RIF1: variants seen among roughly 807,000 people sequenced by gnomAD.
The protein encoded by RIF1 is replication timing regulatory factor 1.
RIF1 carries 45 observed loss-of-function variants against 247.1 expected under a neutral mutation model. The observed-to-expected ratio is 0.18, with a 90% CI of 0.14 to 0.23. The LOEUF is 0.23. RIF1 is among the 10% of genes least tolerant of loss of function. The pLI, the probability that RIF1 is intolerant of heterozygous loss-of-function variation, is 1.00. For missense variants in RIF1, 2,967 were observed against 2,862.5 expected, an observed-to-expected ratio of 1.04 and a Z score of -0.83; for synonymous variants, 1,087 against 978.8, an observed-to-expected ratio of 1.11 and a Z score of -2.06.
At chr2:151,453,356 C>A (rs1336246953) in intron 21 of RIF1, among the ~76,000 whole-genome samples, 2 of 152,052 alleles carry the variant, frequency 1.3e-5, no homozygotes, top group Non-Finnish European at 2.9e-5. Flanking sequence ...GTGGGTGGAT[C>A]ACCTGAGGTC....
In RIF1 at chr2:151,451,573, G is replaced by A. The variant is rs771507798; in HGVS notation, c.2245-33G>A. The A allele has an allele frequency of 2.9e-6, 3 of 1,019,656 alleles. No individual in the cohort carries two copies. The South Asian group carries it at 3.8e-5, about 13-fold the overall frequency. 63.2% of individuals were successfully genotyped at this position (1,019,656 alleles called of 1,614,324 possible). A position where few individuals can be genotyped will look rare whatever the true frequency, so the allele number is the denominator to read the frequency against. On this transcript the variant is annotated intron_variant, in intron 20 of 35. Transcript: ENST00000444746. ...TTTGTTGAATACTGTCCCAGTACTT[G>A]AATGTTTCTAACAGTGGTACTTTCT... is the stretch of plus-strand genomic sequence containing the variant.
Position 151,492,328 on chromosome 2 carries a change from T to A in RIF1, c.*416-2901T>A, listed in dbSNP as rs2288193. On this transcript the variant is annotated intron_variant and NMD_transcript_variant, in intron 9 of 13. Transcript: ENST00000454583. Reference sequence around the variant, plus strand: ...TTATGAAAATATGATGGTGTGACTATATCCCTTTTTACACATTCTGACAGG... The same window carrying A: ...TTATGAAAATATGATGGTGTGACTAAATCCCTTTTTACACATTCTGACAGG... 522,102 of 1,593,840 alleles carry A rather than the reference T, an allele frequency of 0.33. 89,955 individuals carry two copies. The highest frequency in any genetic ancestry group is 0.36 in the Non-Finnish European group (418,258 of 1,167,618).
chr2:151,495,693 G>A (rs73005916), intron 10 of RIF1, among the ~76,000 whole-genome samples: 146 of 152,018 alleles, frequency 9.6e-4, no homozygotes, highest in African/African-American at 2.6e-3. Flanking sequence ...AACAAAAAAC[G>A]AAAACTGGTA....
chr2:151,463,607 G>T lies in RIF1; in HGVS notation c.4087G>T (p.Glu1363Ter). ...DNTKLKAATV[E>*]NAVLLETNTV... ...TACAAAGCTTAAAGCAGCAACAGTG[G>T]AAAATGCTGTATTATTGGAAACTAA... The change falls in exon 30 of 36, where the codon GAA becomes TAA. Residue 1363 changes from glutamate (E) to a stop codon, truncating the protein, a stop_gained. Transcript: ENST00000444746. LOFTEE classifies it high-confidence loss of function. 6.2e-7 allele frequency: 1 copy of T among 1,613,668 alleles called. No homozygotes were observed. The highest frequency in any genetic ancestry group is 1.1e-5 in the South Asian group (1 of 91,060).
At chr2:151,485,231 A>T (rs2049528669), downstream of RIF1, 1 of 152,204 alleles carries the variant, frequency 6.6e-6, no homozygotes, top group African/African-American at 2.4e-5. Flanking sequence ...TACATTTTTT[A>T]AATTTAGATA....
At chr2:151,524,907 C>A in the RIF1 span, among the ~76,000 whole-genome samples, 1 of 152,042 alleles carries the variant, frequency 6.6e-6, no homozygotes, top group African/African-American at 2.4e-5. Flanking sequence ...ACCTCGTGAT[C>A]TGCCTGTCTT....
chr2:151,446,624 T>G lies in RIF1; in HGVS notation c.2244+49T>G. On this transcript the variant is annotated intron_variant, in intron 20 of 35. Transcript: ENST00000444746. Reference sequence around the variant, plus strand: ...TTTTTTGTTTGTTTTTAAAGGATTCTTTTCAAGTAAATGGAGATAATATTT... The same window carrying G: ...TTTTTTGTTTGTTTTTAAAGGATTCGTTTCAAGTAAATGGAGATAATATTT... 3 of 1,563,648 alleles carry G rather than the reference T, an allele frequency of 1.9e-6. No homozygotes were observed. In the East Asian group the frequency reaches 6.7e-5, roughly 35 times the overall value.
rs1431784531 is a variant in RIF1, at chr2:151,474,916, A to G, written c.7264A>G (p.Ser2422Gly). The change falls in exon 36 of 36, where the codon AGT (serine) becomes GGT (glycine). Residue 2422 changes from serine to glycine, a missense_variant. Physicochemically the swap from Ser to Gly is moderately conservative, Grantham distance 56. Around this residue, in one of 7 missense-constraint regions of RIF1, gnomAD observed 151 missense variants for 163.4 expected, o/e 0.92. Transcript: ENST00000444746. ...ATCCAAAAACCTTCTGGCACAGATT[A>G]GTGCTCTTGCTCTTCAGCTGGATTC... Reference protein sequence around the residue: ...PLSKNLLAQISALALQLDSED... With the variant: ...PLSKNLLAQIGALALQLDSED... 3 of 1,607,194 alleles carry G rather than the reference A, an allele frequency of 1.9e-6. No individual in the cohort carries two copies. The highest frequency in any genetic ancestry group is 2.6e-6 in the Non-Finnish European group (3 of 1,173,842).
Position 151,458,913 on chromosome 2 carries a change from A to G in RIF1, c.2955+3A>G. 1 of 1,542,198 alleles carries G rather than the reference A, an allele frequency of 6.5e-7. No homozygotes were observed. The highest frequency in any genetic ancestry group is 1.1e-5 in the South Asian group (1 of 87,318). On this transcript the variant is annotated splice_donor_region_variant and intron_variant, in intron 25 of 35. Coordinates refer to ENST00000444746, the MANE Select transcript of RIF1 (RefSeq NM_018151.5). ...CCAGTGGACCATATTCTGATGGAGT[A>G]AGTTGGGGGGTTTTATTGTTCATTT... is the stretch of plus-strand genomic sequence containing the variant.
At chr2:151,506,118 A>G in intron 12 of RIF1, 2 of 1,473,806 alleles carry the variant, frequency 1.4e-6, no homozygotes, top group South Asian at 2.3e-5. Context: ...ATTGTAAATT[A>G]TCAAAGGGAG....
exon 11 of RIF1, chr2:151,499,390 C>T (rs1160766383): frequency 7.3e-6 from 11 of 1,512,276 alleles, no homozygotes; most frequent in Non-Finnish European, 9.9e-6. Context: ...TTATACAACA[C>T]CTGTATGACA....
intron 8 of RIF1, among the ~76,000 whole-genome samples, chr2:151,427,141 C>T (rs1391219978): frequency 6.6e-6 from 1 of 151,728 alleles, no homozygotes; most frequent in Admixed American, 6.6e-5. Flanking sequence ...CTGTTAGGAG[C>T]ATTCGTGTTG....
At chr2:151,456,017 G>C (rs567521134) in intron 22 of RIF1, among the ~76,000 whole-genome samples, 1 of 151,908 alleles carries the variant, frequency 6.6e-6, no homozygotes, top group Admixed American at 6.5e-5. Flanking sequence ...GTCTGAATTG[G>C]TCTCCAAAAA....
At chr2:151,490,045 G>T (rs778104284) in intron 9 of RIF1, 2 of 1,612,948 alleles carry the variant, frequency 1.2e-6, no homozygotes, top group South Asian at 1.1e-5. Context: ...GATCGTTGTT[G>T]TGGGAGCTCT....
the RIF1 span, chr2:151,531,824 G>A: frequency 1.2e-5 from 20 of 1,612,740 alleles, no homozygotes; most frequent in Admixed American, 3.3e-5. Context: ...TTTGTAGTAC[G>A]CAGGTGTTCT....
chr2:151,441,768 T>A (rs1692331862), intron 15 of RIF1, 137 bp from the exon 16 acceptor site: 1 of 462,122 alleles, frequency 2.2e-6, no homozygotes, highest in Admixed American at 4.3e-5. Flanking sequence ...GTATTTGATC[T>A]TTTTTAACTA....
chr2:151,433,274 G>T, intron 10 of RIF1, 46 bp downstream of exon 10: 1 of 1,476,346 alleles, frequency 6.8e-7, no homozygotes, highest in Non-Finnish European at 9.4e-7. Flanking sequence ...TTTTGTTAAT[G>T]TGTTCTTAAA....
chr2:151,532,377 A>G, the RIF1 span, among the ~76,000 whole-genome samples: 17 of 152,222 alleles, frequency 1.1e-4, no homozygotes, highest in African/African-American at 4.1e-4. Flanking sequence ...TGTATTGAAC[A>G]TGTACAATCT....
intron 9 of RIF1, chr2:151,490,099 C>A (rs569107587): frequency 1.3e-6 from 2 of 1,555,102 alleles, no homozygotes; most frequent in Admixed American, 3.6e-5. Flanking sequence ...GGGGCAAATT[C>A]TTTATAAGAA....
Sources: gnomAD v4.1 joint callset for allele counts (sites outside exome capture counted in the v4.1 genomes callset) on GRCh38, gnomAD v4.1.1 for gene constraint, gnomAD v4.1.1 regional missense constraint, MANE v1.5 for transcripts, NCBI Gene and HGNC (gene_info 2026-07-23, HGNC 2026-07-21) for gene names.